The following GPR137B variants were observed in gnomAD, a reference collection of about 807,000 sequenced individuals.
GPR137B encodes the protein integral membrane protein GPR137B.
In GPR137B, 42 loss-of-function variants were observed where a neutral mutation model predicts 42.5. That is an observed-to-expected ratio of 0.99 (90% CI 0.77 to 1.28). The LOEUF (loss-of-function observed/expected upper bound fraction) is 1.28. Among genes scored for constraint, GPR137B ranks in the 50% most tolerant of loss-of-function variants. The pLI is 0.00. For synonymous variants in GPR137B, 218 were observed against 209.7 expected, an observed-to-expected ratio of 1.04 and a Z score of -0.34; for missense variants, 487 against 493.9, an observed-to-expected ratio of 0.99 and a Z score of 0.13.
chr1:236,193,051 C>A (rs763572789), intron 5 of GPR137B, among the ~76,000 whole-genome samples: 6 of 151,706 alleles, frequency 4.0e-5, no homozygotes. Flanking sequence ...CCTGCTACCA[C>A]GCCTGGCTAA....
At chr1:236,203,639 T>C (rs1234663764) in intron 5 of GPR137B, among the ~76,000 whole-genome samples, 2 of 152,216 alleles carry the variant, frequency 1.3e-5, no homozygotes, top group Non-Finnish European at 2.9e-5. Flanking sequence ...TATTGATTCC[T>C]CCAATCCATG....
At chr1:236,197,756 T>C (rs1663379762) in intron 5 of GPR137B, among the ~76,000 whole-genome samples, 1 of 152,356 alleles carries the variant, frequency 6.6e-6, no homozygotes, top group Admixed American at 6.5e-5. Context: ...TGCCTCACTC[T>C]GTCACCCAGG....
Position 236,156,344 on chromosome 1 carries a change from C to T in GPR137B, c.415-12362C>T, listed in dbSNP as rs1320401242. ...TGGCCAGCCTGGGACACAGACCAGGCACACCTTGGCTTCAGGCCACCGCCT... is the reference window on the plus strand; with the variant it reads ...TGGCCAGCCTGGGACACAGACCAGGTACACCTTGGCTTCAGGCCACCGCCT... On this transcript the variant is annotated intron_variant, in intron 1 of 6. Transcript: ENST00000366592. This position sits in a 1 kb window ranked among gnomAD's most constrained non-coding sequence, Gnocchi z 4.8. Among the ~76,000 whole-genome samples the T allele has an allele frequency of 6.6e-6, 1 of 152,120 alleles. No homozygotes were observed. Among genetic ancestry groups the T allele is most frequent in the Non-Finnish European group, 1.5e-5 (1 of 67,998 alleles).
chr1:236,178,212 G>T (rs1184431698), intron 2 of GPR137B, among the ~76,000 whole-genome samples: 2 of 152,162 alleles, frequency 1.3e-5, no homozygotes, highest in African/African-American at 4.8e-5. Flanking sequence ...GGAAAGTGGG[G>T]TTCAGAGAGG....
chr1:236,149,995 A>ATGTGTGCCTGTG (rs930615082), intron 1 of GPR137B, among the ~76,000 whole-genome samples: 12 of 146,154 alleles, frequency 8.2e-5, no homozygotes, highest in Admixed American at 6.8e-4. Context: ...GGGTTTGTGT[A>ATGTGTGCCTGTG]TGTGTGCCTG....
intron 4 of GPR137B, among the ~76,000 whole-genome samples, chr1:236,182,830 TATG>T (rs1431127763): frequency 6.6e-6 from 1 of 152,168 alleles, no homozygotes; most frequent in African/African-American, 2.4e-5. Flanking sequence ...ATGGGATATT[TATG>T]GTTATCTAGA....
rs1004177440 is a variant in GPR137B, at chr1:236,150,729, G to A, written c.414+7693G>A. Among the ~76,000 whole-genome samples the A allele has an allele frequency of 2.0e-5, 3 of 152,192 alleles. No homozygotes were observed. The highest frequency in any genetic ancestry group is 2.9e-5 in the Non-Finnish European group (2 of 68,032). ...CTGTGGCACCTGCAGGCTTTGCTAC[G>A]GCTTCTTGCTCACCTGCCTTTCCGT... On this transcript the variant is annotated intron_variant, in intron 1 of 6. Coordinates refer to ENST00000366592, the MANE Select transcript of GPR137B (RefSeq NM_003272.4). This position sits in a 1 kb window ranked among gnomAD's most constrained non-coding sequence, Gnocchi z 6.2.
chr1:236,175,275 A>G (rs1662652893), intron 2 of GPR137B, among the ~76,000 whole-genome samples: 1 of 152,140 alleles, frequency 6.6e-6, no homozygotes, highest in Admixed American at 6.5e-5. Flanking sequence ...CTTCATCCTC[A>G]TTGTGTTCAT....
chr1:236,185,904 A>G lies in GPR137B; in HGVS notation c.966+1998A>G, dbSNP rs571927774. On this transcript the variant is annotated intron_variant, in intron 5 of 6. Coordinates refer to ENST00000366592, the MANE Select transcript of GPR137B (RefSeq NM_003272.4). ...TCATCTCAAAAGGAAACCCCATACT[A>G]TCATCTGTCATTCCCCATTTCCTTT... Among the ~76,000 whole-genome samples, 7 of 151,814 alleles carry G rather than the reference A, an allele frequency of 4.6e-5. No individual in the cohort carries two copies. The South Asian group carries it at 8.3e-4, about 18-fold the overall frequency.
At position 236,179,869 on chromosome 1, in the gene GPR137B, T is replaced by G. The variant is rs1662814580; in HGVS notation, c.688-10T>G. 3 of 1,564,484 alleles carry G rather than the reference T, an allele frequency of 1.9e-6. No individual in the cohort carries two copies. The highest frequency in any genetic ancestry group is 2.6e-6 in the Non-Finnish European group (3 of 1,156,212). On this transcript the variant is annotated splice_polypyrimidine_tract_variant and intron_variant, in intron 3 of 6. Coordinates refer to ENST00000366592, the MANE Select transcript of GPR137B (RefSeq NM_003272.4). ...GGAGTGTCCCATACCTTCTGCTCCCTCTTTTCCAGGGCTCCTCCGTGTGTC... is the reference window on the plus strand; with the variant it reads ...GGAGTGTCCCATACCTTCTGCTCCCGCTTTTCCAGGGCTCCTCCGTGTGTC...
chr1:236,142,792 T>G lies in GPR137B; in HGVS notation c.170T>G (p.Phe57Cys), dbSNP rs1661561528. The G allele has an allele frequency of 3.1e-6, 5 of 1,614,008 alleles. No homozygotes were observed. The highest frequency in any genetic ancestry group is 4.2e-6 in the Non-Finnish European group (5 of 1,179,994). The change falls in exon 1 of 7, where the codon TTC becomes TGC. Residue 57 changes from phenylalanine to cysteine, a missense_variant. Physicochemically the swap from Phe to Cys is radical, Grantham distance 205. Coordinates refer to ENST00000366592, the MANE Select transcript of GPR137B (RefSeq NM_003272.4). ...VVYTVFYALL[F>C]VFIYVQLWLV... Reference sequence around the variant, plus strand: ...TACACCGTGTTCTACGCGCTGCTCTTCGTGTTCATCTACGTGCAGCTCTGG... The same window carrying G: ...TACACCGTGTTCTACGCGCTGCTCTGCGTGTTCATCTACGTGCAGCTCTGG...
At chr1:236,159,093 T>C (rs1233973697) in intron 1 of GPR137B, among the ~76,000 whole-genome samples, 1 of 152,084 alleles carries the variant, frequency 6.6e-6, no homozygotes, top group Non-Finnish European at 1.5e-5. Context: ...GGAGGATCAC[T>C]TGAGTCTAGG....
At position 236,208,033 on chromosome 1, in the gene GPR137B, ATTTTTTTC is replaced by A; in HGVS notation, c.1092-11_1092-4del. 6.3e-7 allele frequency: 1 copy of A among 1,582,792 alleles called. No individual in the cohort carries two copies. Among genetic ancestry groups the A allele is most frequent in the Non-Finnish European group, 8.7e-7 (1 of 1,152,754 alleles). ...ATATAATGTTTCAAGTCACTGAAAT[ATTTTTTTC>A]TTTTTAAGTTTTGCTCCAGATTACT... On this transcript the variant is annotated splice_polypyrimidine_tract_variant and intron_variant, in intron 6 of 6. Transcript: ENST00000366592.
In GPR137B at chr1:236,171,759, T is replaced by G. The variant is rs1662542151; in HGVS notation, c.464+3004T>G. On this transcript the variant is annotated intron_variant, in intron 2 of 6. Coordinates refer to ENST00000366592, the MANE Select transcript of GPR137B (RefSeq NM_003272.4). The surrounding 1 kb of genome is among the most constrained non-coding windows in gnomAD (Gnocchi z 4.4). Reference sequence around the variant, plus strand: ...GATCCAGATGTTAAAAGTGAGATGTTTGGGACTGGGCGCGGTGGCTCATGC... The same window carrying G: ...GATCCAGATGTTAAAAGTGAGATGTGTGGGACTGGGCGCGGTGGCTCATGC... 6.6e-6 allele frequency among the ~76,000 whole-genome samples: 1 copy of G among 152,228 alleles called. No individual in the cohort carries two copies.
chr1:236,143,956 A>G (rs1365962820), intron 1 of GPR137B, among the ~76,000 whole-genome samples: 1 of 152,162 alleles, frequency 6.6e-6, no homozygotes, highest in Non-Finnish European at 1.5e-5. Context: ...TCCAAGCACT[A>G]AGATGTCCAT....
rs1458779061 is a variant in GPR137B, at chr1:236,142,561, GGCTGCA to G, written c.-60_-55del. ...CTTGTTTTCTTTCCTCCAGTCTCGGGGCTGCAGGCTGAGCGCGATGCGCGGAGACCC... is the reference window on the plus strand; with the variant it reads ...CTTGTTTTCTTTCCTCCAGTCTCGGGGGCTGAGCGCGATGCGCGGAGACCC... On this transcript the variant is annotated 5_prime_UTR_variant, in exon 1 of 7. Coordinates refer to ENST00000366592, the MANE Select transcript of GPR137B (RefSeq NM_003272.4). The G allele has an allele frequency of 5.5e-6, 5 of 912,658 alleles. No individual in the cohort carries two copies. Among genetic ancestry groups the G allele is most frequent in the Non-Finnish European group, 7.3e-6 (5 of 686,038 alleles). The allele number at this position is 912,658 out of a possible 1,614,324, so 56.5% of individuals were successfully genotyped here. A position where few individuals can be genotyped will look rare whatever the true frequency, so the allele number is the denominator to read the frequency against.
chr1:236,143,997 G>A (rs1318799161), intron 1 of GPR137B, among the ~76,000 whole-genome samples: 3 of 151,964 alleles, frequency 2.0e-5, no homozygotes, highest in Admixed American at 1.3e-4. Flanking sequence ...AGGGGAAGGC[G>A]TCAACGGTGT....
chr1:236,150,777 G>A lies in GPR137B; in HGVS notation c.414+7741G>A, dbSNP rs1015936676. On this transcript the variant is annotated intron_variant, in intron 1 of 6. Coordinates refer to ENST00000366592, the MANE Select transcript of GPR137B (RefSeq NM_003272.4). The surrounding 1 kb of genome is among the most constrained non-coding windows in gnomAD (Gnocchi z 6.2). ...CGTAGTCAGACAGGCAGAACTGGTAGTGACCAGCAGGGAGGCAGGGCCGGA... is the reference window on the plus strand; with the variant it reads ...CGTAGTCAGACAGGCAGAACTGGTAATGACCAGCAGGGAGGCAGGGCCGGA... Among the ~76,000 whole-genome samples the A allele has an allele frequency of 1.3e-5, 2 of 152,186 alleles. No homozygotes were observed. The highest frequency in any genetic ancestry group is 2.9e-5 in the Non-Finnish European group (2 of 68,032).
chr1:236,162,821 G>C (rs1293312017), intron 1 of GPR137B, among the ~76,000 whole-genome samples: 1 of 152,232 alleles, frequency 6.6e-6, no homozygotes, highest in Admixed American at 6.5e-5. Context: ...AGTTTGCTGT[G>C]GGGGTGGGGC....
Sources: gnomAD v4.1 joint callset for allele counts (sites outside exome capture counted in the v4.1 genomes callset) on GRCh38, gnomAD v4.1.1 for gene constraint, Gnocchi (gnomAD v3.1) non-coding constraint, MANE v1.5 for transcripts, NCBI Gene and HGNC (gene_info 2026-07-23, HGNC 2026-07-21) for gene names.